TBL3: variants seen among roughly 807,000 people sequenced by gnomAD.
The protein encoded by TBL3 is transducin beta like 3.
In TBL3, 71 loss-of-function variants were observed where a neutral mutation model predicts 102.7. The observed-to-expected ratio is 0.69, with a 90% confidence interval of 0.57 to 0.84. TBL3 has a LOEUF of 0.84. Among genes scored for constraint, TBL3 ranks in the 40% least tolerant of loss-of-function variants. The pLI, the probability that TBL3 is intolerant of heterozygous loss-of-function variation, is 0.00. For synonymous variants in TBL3, 578 were observed against 477.7 expected, an observed-to-expected ratio of 1.21 and a Z score of -2.74; for missense variants, 1,188 against 1,098.5, an observed-to-expected ratio of 1.08 and a Z score of -1.15.
Position 1,974,837 on chromosome 16 carries a change from G to A in TBL3, c.454G>A (p.Gly152Ser), listed in dbSNP as rs767549150. The A allele has an allele frequency of 1.7e-5, 28 of 1,613,082 alleles. No individual in the cohort carries two copies. Among genetic ancestry groups the A allele is most frequent in the Admixed American group, 1.2e-4 (7 of 60,010 alleles). ...YGTHHFRGSP[G>S]VVHLVAFHPD... The stretch of plus-strand genomic sequence containing the variant: ...GACACACCACTTCCGAGGCTCGCCC[G>A]GTGTCGTGCAGTGAGTTGGAAGGTG... The change falls in exon 6 of 22, where the codon GGT (glycine) becomes AGT (serine). Residue 152 changes from glycine (G) to serine (S), a missense_variant. Gly to Ser is a moderately conservative substitution (Grantham distance 56). Transcript: ENST00000568546.
chr16:1,981,365 G>C lies in TBL3; in HGVS notation c.*2680G>C. 7.2e-7 allele frequency: 1 copy of C among 1,395,686 alleles called. No homozygotes were observed. The highest frequency in any genetic ancestry group is 1.4e-5 in the African/African-American group (1 of 69,110). The allele number at this position is 1,395,686 out of a possible 1,614,324, so 86.5% of individuals were successfully genotyped here. A position where few individuals can be genotyped will look rare whatever the true frequency, so the allele number is the denominator to read the frequency against. On this transcript the variant is annotated 3_prime_UTR_variant, in exon 22 of 22. Transcript: ENST00000568546. ...TTGCAGCTTTCTTGCTGTCCCCCAA[G>C]CCCACGATCTGGGGGCAGGAGCACA...
Position 1,977,203 on chromosome 16 carries a change from T to C in TBL3, c.1590T>C (p.Ser530=), listed in dbSNP as rs373808476. 1 of 1,613,144 alleles carries C rather than the reference T, an allele frequency of 6.2e-7. No individual in the cohort carries two copies. Among genetic ancestry groups the C allele is most frequent in the Non-Finnish European group, 8.5e-7 (1 of 1,179,966 alleles). Residue 530 remains serine, a synonymous_variant, in exon 15 of 22, where the codon TCT becomes TCC. Transcript: ENST00000568546. ...HRRGLWCVQF[S]PMDQVLATAS... ...GTGGCCTCTGGTGCGTCCAGTTCTC[T>C]CCCATGGACCAGGTGCTGGCCACGG...
Position 1,981,057 on chromosome 16 carries a change from G to T in TBL3, c.*2372G>T, listed in dbSNP as rs780912515. Reference sequence around the variant, plus strand: ...AAGTTGGGAGTGCCGTGGAGGTGCTGGTCCAGGCACCCCCTTCCTATCCCT... The same window carrying T: ...AAGTTGGGAGTGCCGTGGAGGTGCTTGTCCAGGCACCCCCTTCCTATCCCT... On this transcript the variant is annotated 3_prime_UTR_variant, in exon 22 of 22. Transcript: ENST00000568546. 2.5e-6 allele frequency: 4 copies of T among 1,608,248 alleles called. No individual in the cohort carries two copies. Among genetic ancestry groups the T allele is most frequent in the Non-Finnish European group, 3.4e-6 (4 of 1,175,446 alleles).
chr16:1,976,683 C>T, intron 13 of TBL3, 131 bp from the exon 14 acceptor site: 1 of 1,139,644 alleles, frequency 8.8e-7, no homozygotes, highest in Admixed American at 2.4e-5. Context: ...TGGGGGTGAC[C>T]CAGGCCAACC....
Position 1,977,175 on chromosome 16 carries a change from G to A in TBL3, c.1562G>A (p.Arg521Gln), listed in dbSNP as rs759723071. The change falls in exon 15 of 22, where the codon CGG becomes CAG. Residue 521 changes from arginine (R) to glutamine (Q), a missense_variant. By Grantham distance (43) the Arg-to-Gln change is conservative. Coordinates refer to ENST00000568546, the MANE Select transcript of TBL3 (RefSeq NM_006453.3). ...CTGCTGGGTGTCTTCTCAGGCCACC[G>A]GCGTGGCCTCTGGTGCGTCCAGTTC... ...CQLLGVFSGH[R>Q]RGLWCVQFSP... 5.5e-5 allele frequency: 88 copies of A among 1,612,946 alleles called. No individual in the cohort carries two copies. The highest frequency in any genetic ancestry group is 6.7e-5 in the Non-Finnish European group (79 of 1,179,964).
Position 1,979,114 on chromosome 16 carries a change from G to A in TBL3, c.*429G>A, listed in dbSNP as rs1302435362. The A allele has an allele frequency of 2.7e-6, 4 of 1,490,418 alleles. No individual in the cohort carries two copies. Among genetic ancestry groups the A allele is most frequent in the South Asian group, 1.3e-5 (1 of 78,024 alleles). The allele number at this position is 1,490,418 out of a possible 1,614,324, so 92.3% of individuals were successfully genotyped here. ...CACCCTCGAGGGCGGCCCTGGCGCC[G>A]TGGGCGCCGCTCCAGGGCCCTGCGT... On this transcript the variant is annotated 3_prime_UTR_variant, in exon 22 of 22. Coordinates refer to ENST00000568546, the MANE Select transcript of TBL3 (RefSeq NM_006453.3).
At position 1,977,640 on chromosome 16, in the gene TBL3, G is replaced by T; in HGVS notation, c.1869G>T (p.Gly623=). The T allele has an allele frequency of 3.9e-6, 6 of 1,552,620 alleles. No individual in the cohort carries two copies. Among genetic ancestry groups the T allele is most frequent in the Non-Finnish European group, 5.2e-6 (6 of 1,147,570 alleles). ...GGCTGGACGACCACGCCCTCACTGG[G>T]GCCAGTGACTCCCGAGTCATCCTCT... ...CSRLDDHALT[G]ASDSRVILWK... Residue 623 remains glycine (G), a synonymous_variant, in exon 17 of 22, where the codon GGG becomes GGT. Coordinates refer to ENST00000568546, the MANE Select transcript of TBL3 (RefSeq NM_006453.3).
chr16:1,979,723 T>A lies in TBL3; in HGVS notation c.*1038T>A, dbSNP rs1391873417. 1 of 1,332,300 alleles carries A rather than the reference T, an allele frequency of 7.5e-7. No individual in the cohort carries two copies. Among genetic ancestry groups the A allele is most frequent in the Non-Finnish European group, 1.0e-6 (1 of 985,720 alleles). 82.5% of individuals were successfully genotyped at this position (1,332,300 alleles called of 1,614,324 possible). A position where few individuals can be genotyped will look rare whatever the true frequency, so the allele number is the denominator to read the frequency against. On this transcript the variant is annotated 3_prime_UTR_variant, in exon 22 of 22. Coordinates refer to ENST00000568546, the MANE Select transcript of TBL3 (RefSeq NM_006453.3). Reference sequence around the variant, plus strand: ...TCCTGGCCCGCCCTGCCCGCGGTGCTTCTGGCCCAGTCTTGCCACACGGTC... The same window carrying A: ...TCCTGGCCCGCCCTGCCCGCGGTGCATCTGGCCCAGTCTTGCCACACGGTC...
rs752448282 is a variant in TBL3 at position 1,975,675 on chromosome 16, C to T, written c.952C>T (p.Leu318Phe). The T allele has an allele frequency of 1.2e-6, 2 of 1,610,124 alleles. No individual in the cohort carries two copies. The highest frequency in any genetic ancestry group is 1.7e-6 in the Non-Finnish European group (2 of 1,179,830). ...CGCCACCGCCGACCACAACCTGTTG[C>T]TCTACGAGGCTCGCTCCCTGCGGCT... ...LTATADHNLL[L>F]YEARSLRLQK... Residue 318 changes from leucine to phenylalanine, a missense_variant, in exon 10 of 22, where the codon CTC (leucine) becomes TTC (phenylalanine). Physicochemically the swap from Leu to Phe is conservative, Grantham distance 22 (BLOSUM62 0). Transcript: ENST00000568546.
In TBL3 at chr16:1,980,386, G is replaced by C. The variant is rs748564929; in HGVS notation, c.*1701G>C. On this transcript the variant is annotated 3_prime_UTR_variant, in exon 22 of 22. Coordinates refer to ENST00000568546, the MANE Select transcript of TBL3 (RefSeq NM_006453.3). ...AGGCACCTGCCGGGTGGCAGCGCGG[G>C]CTCCAGGTCCAGGGGTTGCGGTGCG... 5 of 1,601,820 alleles carry C rather than the reference G, an allele frequency of 3.1e-6. No individual in the cohort carries two copies. Among genetic ancestry groups the C allele is most frequent in the Non-Finnish European group, 4.2e-6 (5 of 1,179,452 alleles).
At position 1,979,196 on chromosome 16, in the gene TBL3, G is replaced by C; in HGVS notation, c.*511G>C. On this transcript the variant is annotated 3_prime_UTR_variant, in exon 22 of 22. Transcript: ENST00000568546. ...CCGGCGAAGGTCGGGTGGGCACGGT[G>C]GGGGGAGGGGCGGTGGCCTGGGAGG... 1 of 1,461,338 alleles carries C rather than the reference G, an allele frequency of 6.8e-7. No homozygotes were observed. The highest frequency in any genetic ancestry group is 2.4e-4 in the Middle Eastern group (1 of 4,138). 90.5% of individuals were successfully genotyped at this position (1,461,338 alleles called of 1,614,324 possible). A position where few individuals can be genotyped will look rare whatever the true frequency, so the allele number is the denominator to read the frequency against.
At position 1,976,207 on chromosome 16, in the gene TBL3, C is replaced by CT; in HGVS notation, c.1189-4_1189-3insT. The CT allele has an allele frequency of 6.2e-7, 1 of 1,614,190 alleles. No homozygotes were observed. On this transcript the variant is annotated splice_region_variant and splice_polypyrimidine_tract_variant and intron_variant, in intron 12 of 21. Transcript: ENST00000568546. The stretch of plus-strand genomic sequence containing the variant: ...AGCCTCTCTCCTCAACTCCCTGTCC[C>CT]CAGGATCAGAGCGTCCGTATCTGGA...
In TBL3 at chr16:1,977,634, C is replaced by CA; in HGVS notation, c.1864dup (p.Thr622AsnfsTer5). On this transcript the variant is annotated frameshift_variant, in exon 17 of 22. Transcript: ENST00000568546. LOFTEE classifies it high-confidence loss of function. ...GCAGCCGGCTGGACGACCACGCCCT[C>CA]ACTGGGGCCAGTGACTCCCGAGTCA... The CA allele has an allele frequency of 6.4e-7, 1 of 1,553,118 alleles. No individual in the cohort carries two copies. Among genetic ancestry groups the CA allele is most frequent in the Non-Finnish European group, 8.7e-7 (1 of 1,147,820 alleles).
chr16:1,981,102 G>C lies in TBL3; in HGVS notation c.*2417G>C, dbSNP rs751660064. 1.7e-5 allele frequency: 27 copies of C among 1,612,706 alleles called. No individual in the cohort carries two copies. The highest frequency in any genetic ancestry group is 2.3e-5 in the Non-Finnish European group (27 of 1,179,276). On this transcript the variant is annotated 3_prime_UTR_variant, in exon 22 of 22. Transcript: ENST00000568546. ...ATCCCTTGGGGCCACTAAGGACCCA[G>C]CCAGGTCTTACTTGGAGCCTCTTGA...
chr16:1,978,779 G>GC lies in TBL3; in HGVS notation c.*100dup. On this transcript the variant is annotated 3_prime_UTR_variant, in exon 22 of 22. Transcript: ENST00000568546. Reference sequence around the variant, plus strand: ...CTCTGTCTCTCTGGACTGCAGTCCAGCCCCCCACCCTGGCCAACACCCTAC... The same window carrying GC: ...CTCTGTCTCTCTGGACTGCAGTCCAGCCCCCCCACCCTGGCCAACACCCTAC... 2 of 1,483,484 alleles carry GC rather than the reference G, an allele frequency of 1.3e-6. No individual in the cohort carries two copies. The highest frequency in any genetic ancestry group is 1.3e-5 in the South Asian group (1 of 78,536). The allele number at this position is 1,483,484 out of a possible 1,614,324, so 91.9% of individuals were successfully genotyped here.
chr16:1,980,234 C>T lies in TBL3; in HGVS notation c.*1549C>T. On this transcript the variant is annotated 3_prime_UTR_variant, in exon 22 of 22. Transcript: ENST00000568546. ...AGGTAGGCGGATGGGGAGGGTGAAACTGGGGGCGCCACCCCGGCAAGACCG... is the reference window on the plus strand; with the variant it reads ...AGGTAGGCGGATGGGGAGGGTGAAATTGGGGGCGCCACCCCGGCAAGACCG... 1 of 1,540,686 alleles carries T rather than the reference C, an allele frequency of 6.5e-7. No homozygotes were observed. The highest frequency in any genetic ancestry group is 8.7e-7 in the Non-Finnish European group (1 of 1,143,922).
rs912432646 is a variant in TBL3, at chr16:1,980,599, C to T, written c.*1914C>T. 1.9e-6 allele frequency: 3 copies of T among 1,591,388 alleles called. No individual in the cohort carries two copies. The highest frequency in any genetic ancestry group is 1.7e-5 in the Admixed American group (1 of 57,452). On this transcript the variant is annotated 3_prime_UTR_variant, in exon 22 of 22. Transcript: ENST00000568546. ...ACGCCGCTTTGGGCTTCACTGGTCC[C>T]TGGCGCCCCCAGGCAAGCCACCGCC...
chr16:1,976,405 T>C (rs1190459582), intron 13 of TBL3, 91 bp downstream of exon 13: 3 of 1,123,038 alleles, frequency 2.7e-6, no homozygotes, highest in Non-Finnish European at 2.6e-6. Context: ...GGGGAGGCAG[T>C]GGCAGCTTTG....
Position 1,978,448 on chromosome 16 carries a change from T to C in TBL3, c.2270T>C (p.Leu757Pro). 6.2e-7 allele frequency: 1 copy of C among 1,608,380 alleles called. No individual in the cohort carries two copies. Among genetic ancestry groups the C allele is most frequent in the Non-Finnish European group, 8.5e-7 (1 of 1,177,726 alleles). Residue 757 changes from leucine to proline, a missense_variant, in exon 21 of 22, where the codon CTT becomes CCT. Physicochemically the swap from Leu to Pro is moderately conservative, Grantham distance 98. Transcript: ENST00000568546. ...GCCTACGAAGGCGTGCGGGCAGCGC[T>C]TGAGGCCCTGCTGCCCTACACTGGT... ...LLAYEGVRAA[L>P]EALLPYTERH...
Sources: allele counts gnomAD v4.1 joint callset, GRCh38; gene constraint gnomAD v4.1.1; transcripts MANE v1.5; gene names NCBI Gene and HGNC (gene_info 2026-07-23, HGNC 2026-07-21).